EP400: variants seen among roughly 807,000 people sequenced by gnomAD.
EP400 encodes the protein E1A binding protein p400, also known as E1A-binding protein p400.
In EP400, 105 loss-of-function variants were observed where a neutral mutation model predicts 354.1. The observed-to-expected ratio is 0.30, with a 90% CI of 0.25 to 0.35. The LOEUF (loss-of-function observed/expected upper bound fraction) is 0.35, where lower values mean the gene tolerates loss of function less well. EP400 is among the 10% of genes least tolerant of loss of function. The probability of loss-of-function intolerance (pLI) is 1.00; values close to 1 mark genes in which losing one functional copy is unlikely to be tolerated. For synonymous variants in EP400, 1,646 were observed against 1,716.9 expected, an observed-to-expected ratio of 0.96 and a Z score of 1.02; for missense variants, 3,280 against 4,121.0, an observed-to-expected ratio of 0.80 and a Z score of 5.59.
Position 132,029,702 on chromosome 12 carries a change from G to T in EP400, c.5383G>T (p.Val1795Leu), listed in dbSNP as rs761405534. ...GESLQDVIDRVAFVIPPVVAA... is the reference protein window; with the variant it reads ...GESLQDVIDRLAFVIPPVVAA... ...CAAAACATGCTTTCTGCTCCTCAGG[G>T]TGGCCTTTGTGATTCCTCCGGTGGT... Residue 1795 changes from valine to leucine, a missense_variant and splice_region_variant, in exon 28 of 53, where the codon GTG (valine) becomes TTG (leucine). This residue lies in a region of EP400 where 459 missense variants were observed against 496.9 expected (regional missense o/e 0.92). Transcript: ENST00000389561. This position sits in a 1 kb window ranked among gnomAD's most constrained non-coding sequence, Gnocchi z 4.7. 13 of 1,611,658 alleles carry T rather than the reference G, an allele frequency of 8.1e-6. No homozygotes were observed. Among genetic ancestry groups the T allele is most frequent in the Admixed American group, 1.7e-5 (1 of 60,008 alleles).
Position 132,018,715 on chromosome 12 carries a change from C to G in EP400, c.4277+339C>G, listed in dbSNP as rs898157864. On this transcript the variant is annotated intron_variant, in intron 21 of 52. Transcript: ENST00000389561. The surrounding 1 kb of genome is among the most constrained non-coding windows in gnomAD (Gnocchi z 4.0). ...ACACATGTGTCGTGAGTGTGGCAGG[C>G]AGAGGACTCCACCCCCACGGTGATG... Among the ~76,000 whole-genome samples the G allele has an allele frequency of 2.0e-5, 3 of 152,176 alleles. No homozygotes were observed. Among genetic ancestry groups the G allele is most frequent in the Non-Finnish European group, 2.9e-5 (2 of 68,024 alleles).
At chr12:132,072,085 G>A (rs972752330) in intron 51 of EP400, among the ~76,000 whole-genome samples, 7 of 152,230 alleles carry the variant, frequency 4.6e-5, no homozygotes, top group East Asian at 1.9e-4. Flanking sequence ...GTGACCTCAC[G>A]GCATCGGGGC....
In EP400 at chr12:132,044,794, A is replaced by C. The variant is rs375101558; in HGVS notation, c.6631-6A>C. 2.0e-5 allele frequency: 32 copies of C among 1,613,852 alleles called. No homozygotes were observed. The African/African-American group carries it at 3.9e-4, about 20-fold the overall frequency. ...ACATCTCATGGGCCTTCCCTTCTCC[A>C]TGCAGCTCTGGACCCCACCCACCCC... is the stretch of plus-strand genomic sequence containing the variant. On this transcript the variant is annotated splice_polypyrimidine_tract_variant and splice_region_variant and intron_variant, in intron 36 of 52. Coordinates refer to ENST00000389561, the MANE Select transcript of EP400 (RefSeq NM_015409.5).
chr12:132,031,651 G>A (rs1894503481), intron 29 of EP400, among the ~76,000 whole-genome samples: 1 of 152,168 alleles, frequency 6.6e-6, no homozygotes, highest in South Asian at 2.1e-4. Flanking sequence ...CTCCTCCCGG[G>A]TTCACGCCAT....
Position 132,023,906 on chromosome 12 carries a change from G to A in EP400, c.4820G>A (p.Arg1607Gln), listed in dbSNP as rs768821238. The change falls in exon 24 of 53, where the codon CGG (arginine) becomes CAG (glutamine). Residue 1607 changes from arginine (R) to glutamine (Q), a missense_variant. Physicochemically the swap from Arg to Gln is conservative, Grantham distance 43. Around this residue, in one of 20 missense-constraint regions of EP400, gnomAD observed 25 missense variants for 51.2 expected, o/e 0.49. Transcript: ENST00000389561. Reference sequence around the variant, plus strand: ...TTCACCCTGTCACACAGCCAGCTCCGGCAGCTCACAGCGGGCCAGCCGCTG... The same window carrying A: ...TTCACCCTGTCACACAGCCAGCTCCAGCAGCTCACAGCGGGCCAGCCGCTG... The part of the protein sequence containing the change: ...SKFTLSHSQL[R>Q]QLTAGQPLQL... 21 of 1,610,974 alleles carry A rather than the reference G, an allele frequency of 1.3e-5. No individual in the cohort carries two copies. The highest frequency in any genetic ancestry group is 1.8e-5 in the Non-Finnish European group (21 of 1,178,988).
At position 131,954,376 on chromosome 12, in the gene EP400, C is replaced by T. The variant is rs146692647; in HGVS notation, c.-36+4340C>T. ...TTAAGGCAGGAGAATTGTTTGAGCC[C>T]CAGTAGTTCGAGACCAGCCTGGGGA... On this transcript the variant is annotated intron_variant, in intron 1 of 52. Transcript: ENST00000389561. Among the ~76,000 whole-genome samples, 1,505 of 151,610 alleles carry T rather than the reference C, an allele frequency of 9.9e-3. 93 individuals are homozygous for T. The highest frequency in any genetic ancestry group is 2.1e-3 in the Non-Finnish European group (143 of 67,902).
intron 29 of EP400, 98 bp downstream of exon 29, chr12:132,030,256 G>A (rs1267563152): frequency 1.5e-6 from 2 of 1,372,316 alleles, no homozygotes; most frequent in Non-Finnish European, 2.0e-6. Context: ...GCCCTTCTAA[G>A]TGAAAGGGGA....
intron 2 of EP400, among the ~76,000 whole-genome samples, chr12:131,970,483 G>A (rs58498283): frequency 0.15 from 22,963 of 152,176 alleles, 2,483 homozygotes; most frequent in African/African-American, 0.31. Flanking sequence ...TGTGCACCAG[G>A]ACACATGTGC....
chr12:132,055,545 T>G (rs1291538679), intron 45 of EP400, among the ~76,000 whole-genome samples: 3 of 68,052 alleles, frequency 4.4e-5, no homozygotes, highest in African/African-American at 1.2e-4. Context: ...GGTGTAGGGG[T>G]TGTGTGTGTG....
At chr12:132,010,099 T>A (rs1254251135) in intron 15 of EP400, among the ~76,000 whole-genome samples, 2 of 151,294 alleles carry the variant, frequency 1.3e-5, no homozygotes, top group Non-Finnish European at 3.0e-5. Context: ...TTTTTTTTTT[T>A]TTGAGACGGA....
rs149947618 is a variant in EP400, at chr12:131,987,792, C to A, written c.2311C>A (p.Arg771Ser). 6.2e-7 allele frequency: 1 copy of A among 1,613,148 alleles called. No homozygotes were observed. Among genetic ancestry groups the A allele is most frequent in the Non-Finnish European group, 8.5e-7 (1 of 1,179,894 alleles). The change falls in exon 7 of 53, where the codon CGC becomes AGC. Residue 771 changes from arginine (R) to serine (S), a missense_variant. Arg to Ser is a moderately radical substitution (Grantham distance 110). Transcript: ENST00000389561. ...TCTGCCAAAGCTGCAGGAGGCCCCA[C>A]GCCCCAAGTCCCACTGGGACTATCT... ...RRLPKLQEAP[R>S]PKSHWDYLLE...
chr12:131,986,434 TG>T, intron 5 of EP400, 79 bp from the exon 6 acceptor site: 1 of 1,434,004 alleles, frequency 7.0e-7, no homozygotes. Context: ...TCTGGTGCTG[TG>T]GGCGCTCAGG....
chr12:131,965,948 A>G (rs571837865), intron 2 of EP400, among the ~76,000 whole-genome samples: 4 of 152,090 alleles, frequency 2.6e-5, no homozygotes, highest in Non-Finnish European at 4.4e-5. Context: ...TTTCATGTCA[A>G]CATAGGTATT....
rs553321228 is a variant in EP400, at chr12:132,050,146, C to G, written c.7201-177C>G. On this transcript the variant is annotated intron_variant, in intron 39 of 52. Coordinates refer to ENST00000389561, the MANE Select transcript of EP400 (RefSeq NM_015409.5). This position sits in a 1 kb window ranked among gnomAD's most constrained non-coding sequence, Gnocchi z 4.8. The stretch of plus-strand genomic sequence containing the variant: ...TCACAGCAGTCGGCCGCGACAGCCA[C>G]TTAATGCCGCTGCTGTTGGGTTATG... Among the ~76,000 whole-genome samples the G allele has an allele frequency of 2.6e-5, 4 of 152,288 alleles. No homozygotes were observed. The South Asian group carries it at 8.3e-4, about 32-fold the overall frequency.
chr12:131,975,209 A>G (rs749119526), intron 2 of EP400, among the ~76,000 whole-genome samples: 34 of 152,138 alleles, frequency 2.2e-4, no homozygotes, highest in Admixed American at 4.6e-4. Context: ...GGAGCAGTCA[A>G]CAGGGCGCAC....
intron 43 of EP400, among the ~76,000 whole-genome samples, chr12:132,053,884 G>T (rs1895393038): frequency 6.6e-6 from 1 of 152,260 alleles, no homozygotes; most frequent in South Asian, 2.1e-4. Flanking sequence ...TGGTTGGGAA[G>T]TTTGTAATTG....
At position 132,045,748 on chromosome 12, in the gene EP400, C is replaced by T. The variant is rs1391418079; in HGVS notation, c.7048C>T (p.Leu2350=). ...CTAGGCTGTAAAGCAGTTACTGGAG[C>T]TGCCTTTGAACCTCACAATCGTGTC... is the stretch of plus-strand genomic sequence containing the variant. The part of the protein sequence containing the change: ...LLQAVKQLLE[L]PLNLTIVSPA... The change falls in exon 39 of 53, where the codon CTG becomes TTG. Residue 2350 remains leucine, a synonymous_variant. Coordinates refer to ENST00000389561, the MANE Select transcript of EP400 (RefSeq NM_015409.5). 2 of 1,614,110 alleles carry T rather than the reference C, an allele frequency of 1.2e-6. No homozygotes were observed. The highest frequency in any genetic ancestry group is 1.3e-5 in the African/African-American group (1 of 74,952).
chr12:132,035,978 A>G (rs1374101852), intron 30 of EP400, among the ~76,000 whole-genome samples: 1 of 143,658 alleles, frequency 7.0e-6, no homozygotes, highest in Non-Finnish European at 1.5e-5. Context: ...CGACACACCC[A>G]GGTTCACACG....
At chr12:131,998,307 C>T (rs1217951991) in intron 12 of EP400, among the ~76,000 whole-genome samples, 1 of 152,114 alleles carries the variant, frequency 6.6e-6, no homozygotes, top group Non-Finnish European at 1.5e-5. Flanking sequence ...TCAAGTTTCA[C>T]AGAAAAACCT....
Sources: allele counts gnomAD v4.1 joint callset (sites outside exome capture counted in the v4.1 genomes callset), GRCh38; gene constraint gnomAD v4.1.1; regional missense constraint gnomAD v4.1.1; non-coding constraint Gnocchi (gnomAD v3.1); transcripts MANE v1.5; gene names NCBI Gene and HGNC (gene_info 2026-07-23, HGNC 2026-07-21).